Variants in PFN4 observed in about 807,000 individuals in gnomAD.
PFN4 encodes the protein profilin-4.
In PFN4, 10 loss-of-function variants were observed where a neutral mutation model predicts 16.3. That is an observed-to-expected ratio of 0.61 (90% CI 0.38 to 1.04). The LOEUF is 1.04. Among genes scored for constraint, PFN4 ranks in the 50% least tolerant of loss-of-function variants. The pLI, the probability that PFN4 is intolerant of heterozygous loss-of-function variation, is 0.01. For synonymous variants in PFN4, 54 were observed against 56.9 expected (o/e 0.95, Z 0.23); for missense variants, 136 against 153.6 (o/e 0.89, Z 0.61).
chr2:24,115,838 T>C (rs1353350771), intron 4 of PFN4, among the ~76,000 whole-genome samples: 1 of 150,916 alleles, frequency 6.6e-6, no homozygotes, highest in Non-Finnish European at 1.5e-5. Flanking sequence ...ACATCAATTC[T>C]ATTTCATGGT....
At chr2:24,122,573 C>A in intron 1 of PFN4, 26 bp from the exon 2 acceptor site, 1 of 1,420,178 alleles carries the variant, frequency 7.0e-7, no homozygotes, top group South Asian at 1.2e-5. Flanking sequence ...CAGTTGAAGC[C>A]ATTGACTCTG....
intron 4 of PFN4, among the ~76,000 whole-genome samples, chr2:24,115,989 G>T (rs1424145661): frequency 6.7e-6 from 1 of 150,366 alleles, no homozygotes; most frequent in African/African-American, 2.4e-5. Flanking sequence ...GAGAATAAAA[G>T]AAACTGCTGC....
intron 4 of PFN4, 40 bp from the exon 5 acceptor site, chr2:24,115,651 A>G: frequency 6.3e-7 from 1 of 1,592,714 alleles, no homozygotes; most frequent in Non-Finnish European, 8.6e-7. Context: ...TATGAGCTGC[A>G]AATTATCACT....
intron 2 of PFN4, among the ~76,000 whole-genome samples, chr2:24,121,936 T>A (rs528074786): frequency 6.6e-6 from 1 of 152,204 alleles, no homozygotes; most frequent in Non-Finnish European, 1.5e-5. Context: ...CTTTTCTTTA[T>A]AAATTACCCA....
At chr2:24,119,783 G>A (rs1383123884) in intron 3 of PFN4, 101 bp from the exon 4 acceptor site, 3 of 790,792 alleles carry the variant, frequency 3.8e-6, no homozygotes, top group Admixed American at 4.6e-5. Context: ...ATTTCCATAT[G>A]TTTGGAATAT....
chr2:24,122,170 A>T (rs1371598343), intron 2 of PFN4, among the ~76,000 whole-genome samples: 1 of 152,086 alleles, frequency 6.6e-6, no homozygotes, highest in African/African-American at 2.4e-5. Flanking sequence ...CATCTCTACT[A>T]AAAATACAAA....
Position 24,115,472 on chromosome 2 carries a change from C to CT in PFN4, c.*110dup. The CT allele has an allele frequency of 1.1e-6, 1 of 916,160 alleles. No homozygotes were observed. The highest frequency in any genetic ancestry group is 1.7e-6 in the Non-Finnish European group (1 of 599,682). 56.8% of individuals were successfully genotyped at this position (916,160 alleles called of 1,614,324 possible). On this transcript the variant is annotated 3_prime_UTR_variant, in exon 5 of 5. Coordinates refer to ENST00000313213, the MANE Select transcript of PFN4 (RefSeq NM_199346.3). ...AAAATTGCTCCCTTAATTCATTCTT[C>CT]TTTTTTAGTGCCTTCTGTCTAGTGT... is the stretch of plus-strand genomic sequence containing the variant.
chr2:24,119,372 C>G (rs2303289), intron 4 of PFN4, among the ~76,000 whole-genome samples: 21,279 of 152,232 alleles, frequency 0.14, 1,902 homozygotes, highest in South Asian at 0.21. Context: ...AAGACAGAAT[C>G]CTAGCAGTGT....
At position 24,115,029 on chromosome 2, in the gene PFN4, C is replaced by T. The variant is rs1665870093; in HGVS notation, c.*554G>A. The stretch of plus-strand genomic sequence containing the variant: ...GACTAGTGGTCCATTGTTGAATGGC[C>T]TTTGCAATCCCTTCTCCCAAGTCTC... On this transcript the variant is annotated 3_prime_UTR_variant, in exon 5 of 5. Coordinates refer to ENST00000313213, the MANE Select transcript of PFN4 (RefSeq NM_199346.3). 6.6e-6 allele frequency among the ~76,000 whole-genome samples: 1 copy of T among 152,208 alleles called. No homozygotes were observed. The highest frequency in any genetic ancestry group is 6.5e-5 in the Admixed American group (1 of 15,288).
At chr2:24,119,129 G>A (rs1181566682) in intron 4 of PFN4, among the ~76,000 whole-genome samples, 1 of 151,936 alleles carries the variant, frequency 6.6e-6, no homozygotes, top group Admixed American at 6.6e-5. Context: ...CTTTATATAG[G>A]GTAGACCCCC....
Position 24,122,418 on chromosome 2 carries a change from C to T in PFN4, c.117+1G>A, listed in dbSNP as rs767245973. The T allele has an allele frequency of 6.2e-7, 1 of 1,604,292 alleles. No homozygotes were observed. Among genetic ancestry groups the T allele is most frequent in the South Asian group, 1.1e-5 (1 of 90,560 alleles). ...TTAGGTCCAAACTTGTTTTTTCTTA[C>T]ATTGAAACCTGGTGATGCTACACAC... On this transcript the variant is annotated splice_donor_variant, in intron 2 of 4. Coordinates refer to ENST00000313213, the MANE Select transcript of PFN4 (RefSeq NM_199346.3). LOFTEE classifies it high-confidence loss of function.
At chr2:24,117,428 C>T (rs1413396557) in intron 4 of PFN4, among the ~76,000 whole-genome samples, 2 of 151,044 alleles carry the variant, frequency 1.3e-5, no homozygotes, top group East Asian at 3.9e-4. Context: ...TTTAAATGGT[C>T]ATAGTTCTTC....
At position 24,119,692 on chromosome 2, in the gene PFN4, G is replaced by A. The variant is rs753031323; in HGVS notation, c.256-10C>T. ...CCACACCAGTGTTCTCCTGTATAAA[G>A]AATATAAGAGAATATTCTGCTCTTG... is the stretch of plus-strand genomic sequence containing the variant. On this transcript the variant is annotated splice_polypyrimidine_tract_variant and intron_variant, in intron 3 of 4. Coordinates refer to ENST00000313213, the MANE Select transcript of PFN4 (RefSeq NM_199346.3). The A allele has an allele frequency of 1.9e-6, 3 of 1,584,924 alleles. No homozygotes were observed. The highest frequency in any genetic ancestry group is 2.6e-6 in the Non-Finnish European group (3 of 1,156,902).
chr2:24,120,737 T>C (rs1020600942), intron 3 of PFN4, among the ~76,000 whole-genome samples: 2 of 152,150 alleles, frequency 1.3e-5, no homozygotes, highest in African/African-American at 4.8e-5. Context: ...GTATTTTTAG[T>C]AGAAACAGGG....
chr2:24,122,770 C>T, intron 1 of PFN4: 1 of 372,734 alleles, frequency 2.7e-6, no homozygotes, highest in Non-Finnish European at 4.8e-6. Flanking sequence ...GGTTATGAAG[C>T]TGAGTTTGGA....
chr2:24,116,566 A>C (rs771656062), intron 4 of PFN4, among the ~76,000 whole-genome samples: 49 of 152,116 alleles, frequency 3.2e-4, no homozygotes, highest in Non-Finnish European at 5.1e-4. Flanking sequence ...TTTCAACCTG[A>C]GGACCTGGCC....
chr2:24,120,558 T>A (rs568582145), intron 3 of PFN4, among the ~76,000 whole-genome samples: 73 of 152,230 alleles, frequency 4.8e-4, no homozygotes, highest in Admixed American at 1.1e-3. Flanking sequence ...TGATTTTTTT[T>A]AAAATTTTTT....
chr2:24,121,520 A>G (rs1395973710), intron 2 of PFN4, among the ~76,000 whole-genome samples: 1 of 152,246 alleles, frequency 6.6e-6, no homozygotes, highest in African/African-American at 2.4e-5. Flanking sequence ...TTATTGGAAC[A>G]CAGTCACATT....
rs1170583940 is a variant in PFN4 at position 24,115,488 on chromosome 2, T to G, written c.*95A>C. On this transcript the variant is annotated 3_prime_UTR_variant, in exon 5 of 5. Coordinates refer to ENST00000313213, the MANE Select transcript of PFN4 (RefSeq NM_199346.3). ...TTCATTCTTCTTTTTTAGTGCCTTC[T>G]GTCTAGTGTTTTTTCAACCATAAAA... The G allele has an allele frequency of 9.2e-7, 1 of 1,083,602 alleles. No individual in the cohort carries two copies. The highest frequency in any genetic ancestry group is 1.4e-6 in the Non-Finnish European group (1 of 735,028). 67.1% of individuals were successfully genotyped at this position (1,083,602 alleles called of 1,614,324 possible). A position where few individuals can be genotyped will look rare whatever the true frequency, so the allele number is the denominator to read the frequency against.
Sources: gnomAD v4.1 joint callset for allele counts (sites outside exome capture counted in the v4.1 genomes callset) on GRCh38, gnomAD v4.1.1 for gene constraint, MANE v1.5 for transcripts, NCBI Gene and HGNC (gene_info 2026-07-23, HGNC 2026-07-21) for gene names.